IL1RAPL1: variants seen among roughly 807,000 people sequenced by gnomAD.
IL1RAPL1 encodes interleukin-1 receptor accessory protein-like 1.
A neutral mutation model predicts 48.4 loss-of-function variants in IL1RAPL1; 3 were observed. That is an observed-to-expected ratio of 0.06 (90% CI 0.03 to 0.16). IL1RAPL1 has a LOEUF of 0.16. IL1RAPL1 is among the 10% of genes least tolerant of loss of function. The pLI is 1.00. For missense variants in IL1RAPL1, 349 were observed against 530.6 expected, an observed-to-expected ratio of 0.66 and a Z score of 3.36; for synonymous variants, 185 against 187.7, an observed-to-expected ratio of 0.99 and a Z score of 0.12.
At chrX:29,776,287 C>G (rs1017044792) in intron 6 of IL1RAPL1, among the ~76,000 whole-genome samples, 1 of 111,490 alleles carries the variant, frequency 9.0e-6, no homozygotes, top group East Asian at 2.8e-4. Context: ...ACTTAGGGCC[C>G]TGAGTCTCTA....
chrX:29,553,486 A>C (rs998751267), intron 5 of IL1RAPL1, among the ~76,000 whole-genome samples: 1 of 111,877 alleles, frequency 8.9e-6, no homozygotes, highest in African/African-American at 3.2e-5. Context: ...ATCATAAATT[A>C]AATCACAGTC....
chrX:29,237,537 G>T lies in IL1RAPL1; in HGVS notation c.83-45401G>T, dbSNP rs538724109. Among the ~76,000 whole-genome samples, 99 of 112,589 alleles carry T rather than the reference G, an allele frequency of 8.8e-4. 1 individual carries two copies. In the South Asian group the frequency reaches 0.036, roughly 41 times the overall value. ...ACATCGATAAGTAGTTTTTATTAAT[G>T]TATATTCCATGTGTTTGAATTGCAT... On this transcript the variant is annotated intron_variant, in intron 2 of 10. Coordinates refer to ENST00000378993, the MANE Select transcript of IL1RAPL1 (RefSeq NM_014271.4).
At chrX:29,553,940 T>TA (rs1921906660) in intron 5 of IL1RAPL1, among the ~76,000 whole-genome samples, 1 of 110,202 alleles carries the variant, frequency 9.1e-6, no homozygotes, top group South Asian at 3.8e-4. Context: ...TTTTTTTTTT[T>TA]ATTCGAGGGA....
chrX:29,705,131 C>T (rs1927158231), intron 6 of IL1RAPL1, among the ~76,000 whole-genome samples: 1 of 111,894 alleles, frequency 8.9e-6, no homozygotes, highest in Non-Finnish European at 1.9e-5. Context: ...TATTTAAAAA[C>T]CCAACTGTAA....
At position 29,265,457 on chromosome X, in the gene IL1RAPL1, TTTTTTTTA is replaced by T. The variant is rs1030165630; in HGVS notation, c.83-17468_83-17461del. On this transcript the variant is annotated intron_variant, in intron 2 of 10. Coordinates refer to ENST00000378993, the MANE Select transcript of IL1RAPL1 (RefSeq NM_014271.4). Reference sequence around the variant, plus strand: ...AGATAAAAGATAAATCATGGAATCTTTTTTTTTATTTTTTTATTTTATTATTATTATAC... The same window carrying T: ...AGATAAAAGATAAATCATGGAATCTTTTTTTTTATTTTATTATTATTATAC... Among the ~76,000 whole-genome samples the T allele has an allele frequency of 2.7e-5, 3 of 109,265 alleles. No homozygotes were observed. In the Admixed American group the frequency reaches 2.9e-4, roughly 11 times the overall value. 94.9% of individuals were successfully genotyped at this position (109,265 alleles called of 115,157 possible).
At chrX:29,405,235 A>C (rs1336013872) in intron 5 of IL1RAPL1, among the ~76,000 whole-genome samples, 2 of 107,549 alleles carry the variant, frequency 1.9e-5, no homozygotes, top group African/African-American at 6.9e-5. Context: ...TTTGATTGGT[A>C]CTTTTTTCGT....
chrX:29,568,918 G>C (rs981797964), intron 5 of IL1RAPL1, among the ~76,000 whole-genome samples: 8 of 111,258 alleles, frequency 7.2e-5, no homozygotes, highest in African/African-American at 2.6e-4. Flanking sequence ...TTAAAATAGA[G>C]ATGTTGTAGT....
At chrX:29,235,898 A>C (rs771536993) in intron 2 of IL1RAPL1, among the ~76,000 whole-genome samples, 1 of 112,264 alleles carries the variant, frequency 8.9e-6, no homozygotes, top group Non-Finnish European at 1.9e-5. Context: ...TCTGTGCCAC[A>C]GCCAGCCACT....
chrX:29,197,360 C>G (rs1395384658), intron 2 of IL1RAPL1, among the ~76,000 whole-genome samples: 1 of 111,327 alleles, frequency 9.0e-6, no homozygotes, highest in African/African-American at 3.3e-5. Context: ...CTCAGGCTCT[C>G]TGGGGGGAAA....
chrX:29,893,260 C>T (rs1172800323), intron 6 of IL1RAPL1, among the ~76,000 whole-genome samples: 1 of 111,402 alleles, frequency 9.0e-6, no homozygotes, highest in Admixed American at 9.6e-5. Flanking sequence ...GAATAAGTGA[C>T]ATAACTTTCT....
intron 6 of IL1RAPL1, among the ~76,000 whole-genome samples, chrX:29,909,465 G>T (rs1932720150): frequency 9.0e-6 from 1 of 110,840 alleles, no homozygotes; most frequent in Admixed American, 9.7e-5. Context: ...TGAAAAGAAT[G>T]CTAGTAGGCA....
At chrX:28,792,837 A>T in intron 2 of IL1RAPL1, among the ~76,000 whole-genome samples, 1 of 64,682 alleles carries the variant, frequency 1.5e-5, no homozygotes, top group Non-Finnish European at 2.7e-5. Context: ...ATATATATAT[A>T]TATATATATA....
At chrX:29,740,028 C>A (rs1229173578) in intron 6 of IL1RAPL1, among the ~76,000 whole-genome samples, 1 of 106,775 alleles carries the variant, frequency 9.4e-6, no homozygotes, top group Non-Finnish European at 1.9e-5. Context: ...CCATTACACT[C>A]CAGGTTGCAG....
At position 28,716,495 on chromosome X, in the gene IL1RAPL1, C is replaced by T. The variant is rs776592780; in HGVS notation, c.-24-72825C>T. 3.6e-5 allele frequency among the ~76,000 whole-genome samples: 4 copies of T among 111,456 alleles called. No homozygotes were observed. In the Admixed American group the frequency reaches 3.8e-4, roughly 11 times the overall value. Reference sequence around the variant, plus strand: ...CCATATGCAGAAGATTGAAACTGGACCCCTTCCTTACACCATATACAAAAT... The same window carrying T: ...CCATATGCAGAAGATTGAAACTGGATCCCTTCCTTACACCATATACAAAAT... On this transcript the variant is annotated intron_variant, in intron 1 of 10. Coordinates refer to ENST00000378993, the MANE Select transcript of IL1RAPL1 (RefSeq NM_014271.4).
intron 5 of IL1RAPL1, among the ~76,000 whole-genome samples, chrX:29,442,787 G>T (rs973452439): frequency 4.6e-5 from 5 of 109,199 alleles, no homozygotes; most frequent in African/African-American, 1.7e-4. Context: ...GGGCACAGGA[G>T]GTCAAGGCTG....
chrX:29,497,868 A>G (rs190926828), intron 5 of IL1RAPL1, among the ~76,000 whole-genome samples: 3 of 112,036 alleles, frequency 2.7e-5, no homozygotes, highest in Admixed American at 9.4e-5. Flanking sequence ...TTGTCAGAAT[A>G]AAGTGTTTGA....
intron 2 of IL1RAPL1, among the ~76,000 whole-genome samples, chrX:29,100,833 A>C (rs60226687): frequency 3.6e-5 from 4 of 111,339 alleles, no homozygotes; most frequent in African/African-American, 1.3e-4. Context: ...TAGATAACTT[A>C]TGTAAATTGC....
chrX:29,528,192 G>A (rs778799666), intron 5 of IL1RAPL1, among the ~76,000 whole-genome samples: 1 of 112,298 alleles, frequency 8.9e-6, no homozygotes, highest in African/African-American at 3.2e-5. Flanking sequence ...GCAAATATAT[G>A]TACATATAAA....
At chrX:29,363,574 T>G (rs1933405470) in intron 3 of IL1RAPL1, among the ~76,000 whole-genome samples, 1 of 111,580 alleles carries the variant, frequency 9.0e-6, no homozygotes, top group Non-Finnish European at 1.9e-5. Context: ...AGGAAATGCC[T>G]GAGACTGAGT....
Sources: allele counts gnomAD v4.1 joint callset (sites outside exome capture counted in the v4.1 genomes callset), GRCh38; gene constraint gnomAD v4.1.1; transcripts MANE v1.5; gene names NCBI Gene and HGNC (gene_info 2026-07-23, HGNC 2026-07-21).